CLTRN: variants seen among roughly 807,000 people sequenced by gnomAD.
CLTRN encodes collectrin.
A neutral mutation model predicts 14.5 loss-of-function variants in CLTRN; 12 were observed. The observed-to-expected ratio is 0.83, with a 90% CI of 0.53 to 1.34. The LOEUF (loss-of-function observed/expected upper bound fraction) is 1.34, where lower values mean the gene tolerates loss of function less well. Ranked by LOEUF, CLTRN falls within the 40% of genes most tolerant of loss-of-function variation. The pLI is 0.00. For missense variants in CLTRN, 154 were observed against 165.1 expected, an observed-to-expected ratio of 0.93 and a Z score of 0.37; for synonymous variants, 58 against 56.5, an observed-to-expected ratio of 1.03 and a Z score of -0.12.
At chrX:15,662,072 C>A (rs1454060250) in intron 2 of CLTRN, among the ~76,000 whole-genome samples, 1 of 110,814 alleles carries the variant, frequency 9.0e-6, no homozygotes, top group Non-Finnish European at 1.9e-5. Context: ...ATGACCTACC[C>A]CCAAATTGCC....
At chrX:15,660,320 C>A (rs984912553) in intron 2 of CLTRN, among the ~76,000 whole-genome samples, 1 of 111,083 alleles carries the variant, frequency 9.0e-6, no homozygotes, top group Admixed American at 9.6e-5. Context: ...ATAGCATATT[C>A]TTTTTTTGGA....
chrX:15,669,266 A>C (rs1929674826), upstream of CLTRN, among the ~76,000 whole-genome samples: 1 of 112,116 alleles, frequency 8.9e-6, no homozygotes, highest in African/African-American at 3.2e-5. Context: ...TTAAGTAGTA[A>C]GTTTCCAGAG....
chrX:15,648,550 C>G (rs1487596200), intron 3 of CLTRN, among the ~76,000 whole-genome samples: 1 of 111,506 alleles, frequency 9.0e-6, no homozygotes, highest in African/African-American at 3.3e-5. Flanking sequence ...CGGTAGCTCA[C>G]GCCTGTAATC....
chrX:15,638,010 C>T (rs181078987), intron 5 of CLTRN, among the ~76,000 whole-genome samples: 52 of 111,950 alleles, frequency 4.6e-4, no homozygotes, highest in Middle Eastern at 4.6e-3. Context: ...CAATCTATCT[C>T]CAGAGTCCAT....
intron 3 of CLTRN, among the ~76,000 whole-genome samples, chrX:15,653,588 C>A (rs192606599): frequency 1.8e-5 from 2 of 111,547 alleles, no homozygotes; most frequent in Admixed American, 1.9e-4. Flanking sequence ...TTAGCGTTCC[C>A]ATTACCAGGA....
At chrX:15,649,891 T>C (rs1929175888) in intron 3 of CLTRN, among the ~76,000 whole-genome samples, 1 of 108,004 alleles carries the variant, frequency 9.3e-6, no homozygotes, top group African/African-American at 3.4e-5. Context: ...AAAAAGGACA[T>C]TAGTAGAAAA....
At chrX:15,671,126 G>A (rs887851923) in intron 1 of CLTRN, among the ~76,000 whole-genome samples, 6 of 111,250 alleles carry the variant, frequency 5.4e-5, no homozygotes, top group African/African-American at 2.0e-4. Context: ...CTGCCCTTCA[G>A]GAACTTACAA....
At chrX:15,629,420 T>TA (rs938773908) in intron 5 of CLTRN, among the ~76,000 whole-genome samples, 2 of 110,685 alleles carry the variant, frequency 1.8e-5, no homozygotes, top group East Asian at 2.8e-4. Context: ...TAAAGTATAA[T>TA]AAAAAAAAAT....
chrX:15,674,203 G>A (rs148521740), intron 1 of CLTRN, among the ~76,000 whole-genome samples: 100 of 112,433 alleles, frequency 8.9e-4, no homozygotes, highest in African/African-American at 3.0e-3. Context: ...AGAAAAGCTG[G>A]TAATAACCTC....
chrX:15,650,206 G>A lies in CLTRN; in HGVS notation c.204-5177C>T, dbSNP rs1318852672. 7.5e-5 allele frequency among the ~76,000 whole-genome samples: 8 copies of A among 106,594 alleles called. No individual in the cohort carries two copies. In the South Asian group the frequency reaches 1.3e-3, roughly 17 times the overall value. 92.6% of individuals were successfully genotyped at this position (106,594 alleles called of 115,157 possible). On this transcript the variant is annotated intron_variant, in intron 3 of 5. Coordinates refer to ENST00000380342, the MANE Select transcript of CLTRN (RefSeq NM_020665.6). ...ACCAAGTGTTGAGAACCACTGGTAC[G>A]TAGGGACTCTCTATATTAACTTTGT...
rs3840973 is a variant in CLTRN at position 15,645,109 on chromosome X, CTA to C, written c.204-82_204-81del. 4 of 546,232 alleles carry C rather than the reference CTA, an allele frequency of 7.3e-6. No individual in the cohort carries two copies. The East Asian group carries it at 1.4e-4, about 20-fold the overall frequency. 45.0% of individuals were successfully genotyped at this position (546,232 alleles called of 1,213,427 possible). A position where few individuals can be genotyped will look rare whatever the true frequency, so the allele number is the denominator to read the frequency against. On this transcript the variant is annotated intron_variant, in intron 3 of 5. Transcript: ENST00000380342. ...TAAACCGTTCACTCTGATGCTACTACTATCTTAAGAGACATCTTAGCTATGTT... is the reference window on the plus strand; with the variant it reads ...TAAACCGTTCACTCTGATGCTACTACTCTTAAGAGACATCTTAGCTATGTT...
chrX:15,639,415 T>C, intron 5 of CLTRN, 147 bp downstream of exon 5: 1 of 506,608 alleles, frequency 2.0e-6, no homozygotes. Context: ...GAAAAGAGCA[T>C]AAGTGATATT....
intron 1 of CLTRN, among the ~76,000 whole-genome samples, chrX:15,670,891 T>C (rs1270313706): frequency 2.4e-4 from 5 of 20,671 alleles, no homozygotes; most frequent in Non-Finnish European, 3.7e-4. Flanking sequence ...TGTGTGTGTG[T>C]GTGTGTGTGT....
chrX:15,631,340 A>C, intron 5 of CLTRN, among the ~76,000 whole-genome samples: 1 of 112,457 alleles, frequency 8.9e-6, no homozygotes, highest in East Asian at 2.8e-4. Flanking sequence ...CCTGTATTAC[A>C]AACATTTTAG....
At chrX:15,655,656 C>T (rs1222991024) in intron 3 of CLTRN, among the ~76,000 whole-genome samples, 1 of 111,961 alleles carries the variant, frequency 8.9e-6, no homozygotes, top group African/African-American at 3.3e-5. Context: ...GCCAGCCTTC[C>T]ACCATGAGAC....
chrX:15,644,912 T>C lies in CLTRN; in HGVS notation c.317+4A>G, dbSNP rs777458836. ...TAATAGAAGGCATATTTAAGGGTGA[T>C]TACCTTATGGCTGATTGCACCTCAA... is the stretch of plus-strand genomic sequence containing the variant. On this transcript the variant is annotated splice_donor_region_variant and intron_variant, in intron 4 of 5. Coordinates refer to ENST00000380342, the MANE Select transcript of CLTRN (RefSeq NM_020665.6). 1.7e-6 allele frequency: 2 copies of C among 1,162,009 alleles called. No homozygotes were observed. Among genetic ancestry groups the C allele is most frequent in the Admixed American group, 4.7e-5 (2 of 42,450 alleles).
At chrX:15,633,712 AT>A (rs1290414294) in intron 5 of CLTRN, among the ~76,000 whole-genome samples, 1 of 112,319 alleles carries the variant, frequency 8.9e-6, no homozygotes, top group East Asian at 2.8e-4. Flanking sequence ...ATGCATTTTT[AT>A]TTACTATTGA....
chrX:15,636,857 A>T (rs972851974), intron 5 of CLTRN, among the ~76,000 whole-genome samples: 1 of 111,395 alleles, frequency 9.0e-6, no homozygotes, highest in Non-Finnish European at 1.9e-5. Context: ...CCTGTTGCAG[A>T]TGGAGAAACT....
At chrX:15,652,428 C>T (rs1186990564) in intron 3 of CLTRN, among the ~76,000 whole-genome samples, 1 of 103,687 alleles carries the variant, frequency 9.6e-6, no homozygotes, top group Non-Finnish European at 2.0e-5. Flanking sequence ...TTGTTTCACA[C>T]ATATGTCAAA....
Sources: gnomAD v4.1 joint callset for allele counts (sites outside exome capture counted in the v4.1 genomes callset) on GRCh38, gnomAD v4.1.1 for gene constraint, MANE v1.5 for transcripts, NCBI Gene and HGNC (gene_info 2026-07-23, HGNC 2026-07-21) for gene names.